RALGPS1: variants seen among roughly 807,000 people sequenced by gnomAD.
RALGPS1 encodes ras-specific guanine nucleotide-releasing factor RalGPS1.
Under a neutral mutation model 78.8 loss-of-function variants are expected in RALGPS1, and 19 were observed. That is an observed-to-expected ratio of 0.24 (90% CI 0.17 to 0.35). The LOEUF is 0.35. Among genes scored for constraint, RALGPS1 ranks in the 10% least tolerant of loss-of-function variants. The probability of loss-of-function intolerance (pLI) is 1.00; values close to 1 mark genes in which losing one functional copy is unlikely to be tolerated. For synonymous variants in RALGPS1, 228 were observed against 256.3 expected, an observed-to-expected ratio of 0.89 and a Z score of 1.06; for missense variants, 454 against 688.3, an observed-to-expected ratio of 0.66 and a Z score of 3.81.
intron 8 of RALGPS1, chr9:127,089,175 G>T (rs1344083278): frequency 6.2e-7 from 1 of 1,608,806 alleles, no homozygotes; most frequent in South Asian, 1.1e-5. Flanking sequence ...TGTCTGGGAG[G>T]AGGCCATTCT....
intron 1 of RALGPS1, among the ~76,000 whole-genome samples, chr9:126,954,439 C>A (rs369596199): frequency 6.6e-6 from 1 of 152,156 alleles, no homozygotes. Context: ...ACAGAGTAGC[C>A]GAAGTGATCT....
intron 1 of RALGPS1, among the ~76,000 whole-genome samples, chr9:126,931,088 T>G (rs916449601): frequency 4.6e-5 from 7 of 152,192 alleles, no homozygotes; most frequent in African/African-American, 1.2e-4. Context: ...TCCTTCTAAG[T>G]CCAAAGTCAC....
intron 11 of RALGPS1, among the ~76,000 whole-genome samples, chr9:127,186,518 T>C (rs998007718): frequency 2.6e-5 from 4 of 152,224 alleles, no homozygotes; most frequent in Non-Finnish European, 5.9e-5. Flanking sequence ...GTGTCCCTGG[T>C]GCTGTCACGT....
At chr9:126,939,685 C>T (rs2036577090) in intron 1 of RALGPS1, among the ~76,000 whole-genome samples, 1 of 152,236 alleles carries the variant, frequency 6.6e-6, no homozygotes, top group African/African-American at 2.4e-5. Context: ...AGTTGGACTT[C>T]CAAGTCCTGT....
In RALGPS1 at chr9:127,105,463, A is replaced by G. The variant is rs570998575; in HGVS notation, c.610+36107A>G. Among the ~76,000 whole-genome samples, 6 of 152,280 alleles carry G rather than the reference A, an allele frequency of 3.9e-5. No individual in the cohort carries two copies. In the South Asian group the frequency reaches 1.2e-3, roughly 32 times the overall value. On this transcript the variant is annotated intron_variant, in intron 8 of 18. Coordinates refer to ENST00000259351, the MANE Select transcript of RALGPS1 (RefSeq NM_014636.3). Reference sequence around the variant, plus strand: ...GACTCATCTCCATCAGGGACCCACTAGTCACTTGGGTTCCCAACTCCCAGG... The same window carrying G: ...GACTCATCTCCATCAGGGACCCACTGGTCACTTGGGTTCCCAACTCCCAGG...
intron 8 of RALGPS1, among the ~76,000 whole-genome samples, chr9:127,106,320 G>C (rs1293406216): frequency 6.6e-6 from 1 of 152,294 alleles, no homozygotes; most frequent in East Asian, 1.9e-4. Flanking sequence ...CTCTTTCAGA[G>C]CTTCTGATTT....
intron 4 of RALGPS1, among the ~76,000 whole-genome samples, chr9:127,004,936 GT>G (rs1160261923): frequency 6.6e-6 from 1 of 152,204 alleles, no homozygotes; most frequent in Non-Finnish European, 1.5e-5. Context: ...CAGCAGCCTT[GT>G]TTTGGAAGAC....
intron 8 of RALGPS1, among the ~76,000 whole-genome samples, chr9:127,146,763 C>CA (rs992684986): frequency 1.3e-5 from 2 of 152,164 alleles, no homozygotes; most frequent in African/African-American, 4.8e-5. Context: ...AGGCTGGTCT[C>CA]AAACTCCTGA....
intron 5 of RALGPS1, among the ~76,000 whole-genome samples, chr9:127,041,065 G>GTGTGTGTGTGTA: frequency 6.6e-6 from 1 of 151,334 alleles, no homozygotes; most frequent in Non-Finnish European, 1.5e-5. Flanking sequence ...GTGTGTGTGT[G>GTGTGTGTGTGTA]TATGTACTAA....
At chr9:127,140,966 C>A (rs2057734354) in intron 8 of RALGPS1, among the ~76,000 whole-genome samples, 1 of 152,142 alleles carries the variant, frequency 6.6e-6, no homozygotes, top group African/African-American at 2.4e-5. Flanking sequence ...AGTCAAGGTG[C>A]CTACAGGGCT....
At chr9:126,994,302 T>C (rs2133304260) in intron 4 of RALGPS1, among the ~76,000 whole-genome samples, 1 of 152,060 alleles carries the variant, frequency 6.6e-6, no homozygotes, top group South Asian at 2.1e-4. Flanking sequence ...GTTGAATGGA[T>C]AACTAGAATA....
chr9:127,182,241 C>A (rs1235840869), intron 11 of RALGPS1, among the ~76,000 whole-genome samples: 1 of 151,756 alleles, frequency 6.6e-6, no homozygotes, highest in Non-Finnish European at 1.5e-5. Context: ...GAGGCCATCA[C>A]TAGAAGCAGA....
rs115565702 is a variant in RALGPS1 at position 127,089,812 on chromosome 9, G to A, written c.610+20456G>A. Among the ~76,000 whole-genome samples, 737 of 152,328 alleles carry A rather than the reference G, an allele frequency of 4.8e-3. 9 individuals are homozygous for A. Among genetic ancestry groups the A allele is most frequent in the African/African-American group, 0.017 (703 of 41,554 alleles). On this transcript the variant is annotated intron_variant, in intron 8 of 18. Coordinates refer to ENST00000259351, the MANE Select transcript of RALGPS1 (RefSeq NM_014636.3). ...GTAAAAACTGTGGGAAGGTGTGCGC[G>A]GGCATGCAGGGGCAGTGCACTCTGT...
At chr9:127,113,780 A>G (rs1335136286) in intron 8 of RALGPS1, among the ~76,000 whole-genome samples, 2 of 152,176 alleles carry the variant, frequency 1.3e-5, no homozygotes, top group Admixed American at 1.3e-4. Context: ...CAGCCTCTCC[A>G]GGGCTTGGGT....
chr9:127,104,388 C>T (rs919491043), intron 8 of RALGPS1, among the ~76,000 whole-genome samples: 2 of 152,248 alleles, frequency 1.3e-5, no homozygotes, highest in African/African-American at 4.8e-5. Flanking sequence ...CAGGTGCCTG[C>T]TCTATCCTTT....
At chr9:127,186,554 C>T (rs2140306697) in intron 11 of RALGPS1, among the ~76,000 whole-genome samples, 1 of 152,364 alleles carries the variant, frequency 6.6e-6, no homozygotes, top group African/African-American at 2.4e-5. Flanking sequence ...CTTGGCAGGG[C>T]AGGAACATGA....
At chr9:126,928,058 G>C (rs2035464444) in intron 1 of RALGPS1, among the ~76,000 whole-genome samples, 1 of 152,188 alleles carries the variant, frequency 6.6e-6, no homozygotes, top group South Asian at 2.1e-4. Flanking sequence ...TCCTAAATTG[G>C]TAAAAGTGGA....
chr9:127,074,825 C>T (rs1333456435), intron 8 of RALGPS1, among the ~76,000 whole-genome samples: 1 of 152,228 alleles, frequency 6.6e-6, no homozygotes, highest in African/African-American at 2.4e-5. Context: ...TTGACACTGC[C>T]CTCTCCTGAT....
chr9:127,121,090 T>A (rs1032702556), intron 8 of RALGPS1, among the ~76,000 whole-genome samples: 17 of 152,178 alleles, frequency 1.1e-4, no homozygotes, highest in African/African-American at 4.1e-4. Flanking sequence ...GGCACATTAC[T>A]TTACCTCAGT....
Sources: allele counts gnomAD v4.1 joint callset (sites outside exome capture counted in the v4.1 genomes callset), GRCh38; gene constraint gnomAD v4.1.1; transcripts MANE v1.5; gene names NCBI Gene and HGNC (gene_info 2026-07-23, HGNC 2026-07-21).